The following LHFPL3 variants were observed in gnomAD, a reference collection of about 807,000 sequenced individuals.
LHFPL3 encodes LHFPL tetraspan subfamily member 3 protein.
Under a neutral mutation model 19.3 loss-of-function variants are expected in LHFPL3, and 5 were observed. That is an observed-to-expected ratio of 0.26 (90% confidence interval 0.14 to 0.54). The LOEUF is 0.54. LHFPL3 is among the 20% of genes least tolerant of loss of function. The pLI is 0.94. For missense variants in LHFPL3, 249 were observed against 307.4 expected (o/e 0.81, Z 1.42); for synonymous variants, 133 against 126.2 (o/e 1.05, Z -0.36).
intron 2 of LHFPL3, among the ~76,000 whole-genome samples, chr7:104,802,438 T>G (rs371955418): frequency 7.3e-6 from 1 of 137,714 alleles, no homozygotes. Flanking sequence ...AAGGCTACAA[T>G]GAGCTATGAT....
intron 1 of LHFPL3, among the ~76,000 whole-genome samples, chr7:104,707,594 C>T (rs1793215766): frequency 6.6e-6 from 1 of 152,196 alleles, no homozygotes; most frequent in Non-Finnish European, 1.5e-5. Context: ...GATGTTTATT[C>T]TCTCCCTCTG....
At chr7:104,614,672 CTTCCTTCCTTCTTTCTTTCT>C (rs1445661556) in intron 1 of LHFPL3, among the ~76,000 whole-genome samples, 25 of 88,260 alleles carry the variant, frequency 2.8e-4, no homozygotes, top group African/African-American at 9.5e-4. Flanking sequence ...TCCTTCCTTC[CTTCCTTCCTTCTTTCTTTCT>C]TTCTTTCTTT....
At chr7:104,550,693 G>T (rs550752932) in intron 1 of LHFPL3, among the ~76,000 whole-genome samples, 6 of 152,104 alleles carry the variant, frequency 3.9e-5, no homozygotes, top group Non-Finnish European at 5.9e-5. Flanking sequence ...CCTGACCTCT[G>T]TTCTTCCCAA....
intron 1 of LHFPL3, among the ~76,000 whole-genome samples, chr7:104,732,397 A>T (rs954535264): frequency 7.9e-5 from 12 of 152,040 alleles, no homozygotes; most frequent in Non-Finnish European, 1.6e-4. Context: ...TGCCTCAATG[A>T]CAGAGCCTGT....
chr7:104,611,737 AG>A (rs1554414776), intron 1 of LHFPL3, among the ~76,000 whole-genome samples: 1 of 152,132 alleles, frequency 6.6e-6, no homozygotes, highest in Non-Finnish European at 1.5e-5. Context: ...ATACTAAAAA[AG>A]GGGGGGAGGA....
chr7:104,726,648 C>G (rs1793596653), intron 1 of LHFPL3, among the ~76,000 whole-genome samples: 11 of 152,096 alleles, frequency 7.2e-5, no homozygotes. Context: ...CATGTCCCTG[C>G]AAAAGACATG....
intron 1 of LHFPL3, among the ~76,000 whole-genome samples, chr7:104,411,519 G>T (rs1057430850): frequency 6.6e-6 from 1 of 152,036 alleles, no homozygotes; most frequent in Non-Finnish European, 1.5e-5. Flanking sequence ...TCCTTTAAGG[G>T]CCCTACCCTT....
At chr7:104,784,899 T>C (rs1424276586) in intron 2 of LHFPL3, among the ~76,000 whole-genome samples, 5 of 152,126 alleles carry the variant, frequency 3.3e-5, no homozygotes, top group African/African-American at 9.7e-5. Flanking sequence ...AGAATGATGA[T>C]TGTCAAGGGC....
intron 1 of LHFPL3, among the ~76,000 whole-genome samples, chr7:104,427,680 G>A (rs1791875480): frequency 6.6e-6 from 1 of 152,192 alleles, no homozygotes; most frequent in Non-Finnish European, 1.5e-5. Context: ...TTTGCTGTGA[G>A]TTGAAGGCAT....
intron 2 of LHFPL3, among the ~76,000 whole-genome samples, chr7:104,874,845 G>C (rs557316240): frequency 7.3e-5 from 11 of 151,346 alleles, no homozygotes; most frequent in Admixed American, 4.0e-4. Context: ...TTGATGGTTT[G>C]GTTCTTTTTC....
intron 2 of LHFPL3, among the ~76,000 whole-genome samples, chr7:104,890,951 A>T (rs542025730): frequency 8.5e-5 from 13 of 152,252 alleles, no homozygotes; most frequent in African/African-American, 3.1e-4. Context: ...GCAACAGAGT[A>T]GGTGGTCACT....
chr7:104,563,596 G>C (rs1451671550), intron 1 of LHFPL3, among the ~76,000 whole-genome samples: 1 of 152,256 alleles, frequency 6.6e-6, no homozygotes, highest in East Asian at 1.9e-4. Context: ...ACTCCCTAGT[G>C]AGAAGAACCC....
chr7:104,544,304 G>T (rs1794541326), intron 1 of LHFPL3, among the ~76,000 whole-genome samples: 1 of 152,126 alleles, frequency 6.6e-6, no homozygotes, highest in Non-Finnish European at 1.5e-5. Flanking sequence ...CATAGGTTTT[G>T]GGGGAAAATC....
intron 1 of LHFPL3, among the ~76,000 whole-genome samples, chr7:104,591,877 A>T (rs1010085031): frequency 6.6e-6 from 1 of 152,154 alleles, no homozygotes; most frequent in Non-Finnish European, 1.5e-5. Flanking sequence ...ATCTTCAATC[A>T]CTGATACCCT....
intron 1 of LHFPL3, among the ~76,000 whole-genome samples, chr7:104,506,080 G>A (rs1247339354): frequency 2.0e-5 from 3 of 151,236 alleles, no homozygotes; most frequent in Admixed American, 6.6e-5. Context: ...GCAGTGACAC[G>A]ATTTTGGCTC....
At chr7:104,582,063 T>C (rs917991352) in intron 1 of LHFPL3, among the ~76,000 whole-genome samples, 4 of 152,026 alleles carry the variant, frequency 2.6e-5, no homozygotes, top group African/African-American at 7.2e-5. Context: ...CTGATAACTA[T>C]ACTAAATCTT....
At chr7:104,611,756 C>A (rs1480740240) in intron 1 of LHFPL3, among the ~76,000 whole-genome samples, 7 of 152,070 alleles carry the variant, frequency 4.6e-5, no homozygotes. Context: ...GGAATTTACA[C>A]AAGTTTCTAT....
chr7:104,628,939 C>T (rs1362059352), intron 1 of LHFPL3, among the ~76,000 whole-genome samples: 1 of 152,060 alleles, frequency 6.6e-6, no homozygotes, highest in African/African-American at 2.4e-5. Context: ...GAATGATTTG[C>T]CTCAGCACTG....
At chr7:104,730,560 T>C (rs1793680525) in intron 1 of LHFPL3, among the ~76,000 whole-genome samples, 1 of 151,830 alleles carries the variant, frequency 6.6e-6, no homozygotes, top group South Asian at 2.1e-4. Flanking sequence ...GAAGTGTCTG[T>C]TCATATCCTT....
Sources: gnomAD v4.1 joint callset for allele counts (sites outside exome capture counted in the v4.1 genomes callset) on GRCh38, gnomAD v4.1.1 for gene constraint, MANE v1.5 for transcripts, NCBI Gene and HGNC (gene_info 2026-07-23, HGNC 2026-07-21) for gene names.